EP300: variants seen among roughly 807,000 people sequenced by gnomAD.
EP300 encodes the protein EP300 lysine acetyltransferase.
In EP300, 31 loss-of-function variants were observed where a neutral mutation model predicts 264.0. That is an observed-to-expected ratio of 0.12 (90% CI 0.09 to 0.16). The LOEUF (loss-of-function observed/expected upper bound fraction) is 0.16, where lower values mean the gene tolerates loss of function less well. Among genes scored for constraint, EP300 ranks in the 10% least tolerant of loss-of-function variants. The probability of loss-of-function intolerance (pLI) is 1.00; values close to 1 mark genes in which losing one functional copy is unlikely to be tolerated. For missense variants in EP300, 2,766 were observed against 3,052.9 expected, an observed-to-expected ratio of 0.91 and a Z score of 2.21; for synonymous variants, 1,340 against 1,045.4, an observed-to-expected ratio of 1.28 and a Z score of -5.44.
At chr22:41,126,650 C>T (rs1213191873) in intron 3 of EP300, among the ~76,000 whole-genome samples, 1 of 148,014 alleles carries the variant, frequency 6.8e-6, no homozygotes, top group Non-Finnish European at 1.5e-5. Context: ...TATGGACTGC[C>T]TATATTTGAG....
intron 7 of EP300, 128 bp from the exon 8 acceptor site, chr22:41,137,525 A>C: frequency 8.1e-7 from 1 of 1,231,880 alleles, no homozygotes; most frequent in Non-Finnish European, 1.2e-6. Context: ...CTCCCTGCCT[A>C]GCTCCTTAAT....
At chr22:41,144,434 C>T (rs563591599) in intron 10 of EP300, among the ~76,000 whole-genome samples, 3 of 149,984 alleles carry the variant, frequency 2.0e-5, no homozygotes, top group Non-Finnish European at 4.5e-5. Flanking sequence ...TCACTGCATC[C>T]TCCATGCCTC....
chr22:41,170,653 C>CTTTTTTT (rs35506286), intron 27 of EP300, 82 bp downstream of exon 27: 27 of 391,618 alleles, frequency 6.9e-5, no homozygotes, highest in East Asian at 2.2e-4. Context: ...TGTCATTTAA[C>CTTTTTTT]TTTTTTTTTT....
chr22:41,126,966 A>T (rs1181027231), intron 3 of EP300, among the ~76,000 whole-genome samples: 1 of 150,570 alleles, frequency 6.6e-6, no homozygotes, highest in Non-Finnish European at 1.5e-5. Context: ...CTGATCTCGA[A>T]CTCCCGACCT....
intron 4 of EP300, among the ~76,000 whole-genome samples, 193 bp downstream of exon 4, chr22:41,127,941 A>G (rs1248732188): frequency 6.6e-6 from 1 of 152,218 alleles, no homozygotes; most frequent in Non-Finnish European, 1.5e-5. Context: ...CAATCCCAGC[A>G]CTTTGGTAGG....
intron 11 of EP300, 73 bp downstream of exon 11, chr22:41,146,889 A>G: frequency 2.3e-6 from 3 of 1,306,054 alleles, no homozygotes; most frequent in Middle Eastern, 2.4e-4. Context: ...TGCTACCTGA[A>G]CACCCGCTTT....
chr22:41,104,312 C>G (rs1187104524), intron 1 of EP300, among the ~76,000 whole-genome samples: 2 of 150,922 alleles, frequency 1.3e-5, no homozygotes, highest in Non-Finnish European at 3.0e-5. Context: ...TTTTTTCATA[C>G]AGAGTCTTGC....
rs148414681 is a variant in EP300 at position 41,152,238 on chromosome 22, C to A, written c.3030C>A (p.Thr1010=). 6.2e-7 allele frequency: 1 copy of A among 1,613,890 alleles called. No individual in the cohort carries two copies. Residue 1010 remains threonine, a synonymous_variant, in exon 16 of 31, where the codon ACC becomes ACA. Transcript: ENST00000263253. Reference sequence around the variant, plus strand: ...TGGAAGACTGTAAAATGGAATCTACCGAAACAGAAGAGAGAAGCACTGAGT... The same window carrying A: ...TGGAAGACTGTAAAATGGAATCTACAGAAACAGAAGAGAGAAGCACTGAGT... ...SKVEDCKMES[T]ETEERSTELK...
At chr22:41,131,841 A>G (rs779796411) in intron 6 of EP300, among the ~76,000 whole-genome samples, 2 of 152,092 alleles carry the variant, frequency 1.3e-5, no homozygotes, top group Non-Finnish European at 2.9e-5. Flanking sequence ...TTTTTGCATT[A>G]TATGAGTTCA....
chr22:41,124,106 A>C (rs972464124), intron 2 of EP300, among the ~76,000 whole-genome samples: 1 of 152,196 alleles, frequency 6.6e-6, no homozygotes, highest in Non-Finnish European at 1.5e-5. Context: ...AAATTAGCTG[A>C]GTATGGCGGC....
At chr22:41,145,882 G>A (rs970175627) in intron 10 of EP300, among the ~76,000 whole-genome samples, 13 of 151,864 alleles carry the variant, frequency 8.6e-5, no homozygotes, top group Admixed American at 6.6e-5. Context: ...TGATCCGCCC[G>A]CCTCGGCCTC....
At chr22:41,167,568 GTGTGTGTGTGTGTGTGTATATATATA>G (rs1468765999) in intron 23 of EP300, among the ~76,000 whole-genome samples, 6 of 28,956 alleles carry the variant, frequency 2.1e-4, no homozygotes, top group African/African-American at 8.8e-4. Flanking sequence ...ATTTGTGTGT[GTGTGTGTGTGTGTGTGTATATATATA>G]TATATATATA....
rs1185834361 is a variant in EP300 at position 41,092,707 on chromosome 22, C to T, written c.-298C>T. The T allele has an allele frequency of 1.9e-5, 12 of 616,200 alleles. No homozygotes were observed. The highest frequency in any genetic ancestry group is 8.5e-4 in the Middle Eastern group (2 of 2,356). The allele number at this position is 616,200 out of a possible 1,614,324, so 38.2% of individuals were successfully genotyped here. ...GGGCCGGGGACTGCGCCTCTAGAGC[C>T]GCGAGTTCTCGGGAATTCGCCGCAG... On this transcript the variant is annotated 5_prime_UTR_variant, in exon 1 of 31. Coordinates refer to ENST00000263253, the MANE Select transcript of EP300 (RefSeq NM_001429.4).
chr22:41,155,779 C>T (rs1034825028), intron 17 of EP300, among the ~76,000 whole-genome samples: 2 of 152,144 alleles, frequency 1.3e-5, no homozygotes, highest in Non-Finnish European at 2.9e-5. Context: ...CAAGGTTCAT[C>T]CATGTTGTAG....
chr22:41,174,212 C>G lies in EP300; in HGVS notation c.4779+428C>G, dbSNP rs2059187244. 5.9e-5 allele frequency among the ~76,000 whole-genome samples: 9 copies of G among 152,296 alleles called. 1 individual carries two copies. The South Asian group carries it at 1.9e-3, about 32-fold the overall frequency. Reference sequence around the variant, plus strand: ...TTTGGAGGTTGAGGCAGGCGGATCACTTGAGGTCAGGAGTTGGAGACCAGC... The same window carrying G: ...TTTGGAGGTTGAGGCAGGCGGATCAGTTGAGGTCAGGAGTTGGAGACCAGC... On this transcript the variant is annotated intron_variant, in intron 29 of 30. Coordinates refer to ENST00000263253, the MANE Select transcript of EP300 (RefSeq NM_001429.4).
intron 10 of EP300, chr22:41,146,507 A>AGCAC: frequency 1.9e-6 from 1 of 537,990 alleles, no homozygotes; most frequent in African/African-American, 1.9e-5. Context: ...CAACATTGAA[A>AGCAC]GCACCCGGGC....
chr22:41,107,052 G>A (rs957731858), intron 1 of EP300, among the ~76,000 whole-genome samples: 10 of 152,066 alleles, frequency 6.6e-5, no homozygotes, highest in African/African-American at 2.4e-4. Flanking sequence ...GATTACAGGC[G>A]TGCACCATCA....
chr22:41,134,750 G>A (rs1440840248), intron 6 of EP300, among the ~76,000 whole-genome samples: 1 of 152,192 alleles, frequency 6.6e-6, no homozygotes, highest in Non-Finnish European at 1.5e-5. Context: ...TAGGAAAAGG[G>A]ATGAGGAGCA....
At chr22:41,129,806 A>T in intron 4 of EP300, 84 bp from the exon 5 acceptor site, 1 of 981,736 alleles carries the variant, frequency 1.0e-6, no homozygotes, top group East Asian at 2.6e-5. Context: ...CATTTATGTT[A>T]CTTATTAAGT....
Sources: gnomAD v4.1 joint callset for allele counts (sites outside exome capture counted in the v4.1 genomes callset) on GRCh38, gnomAD v4.1.1 for gene constraint, MANE v1.5 for transcripts, NCBI Gene and HGNC (gene_info 2026-07-23, HGNC 2026-07-21) for gene names.